Variants in CHRM2 observed in about 807,000 individuals in gnomAD.
The protein encoded by CHRM2 is cholinergic receptor muscarinic 2, also known as muscarinic acetylcholine receptor M2.
A neutral mutation model predicts 25.0 loss-of-function variants in CHRM2; 8 were observed. The ratio of observed to expected loss-of-function variants is 0.32; its 90% CI spans 0.19 to 0.58. CHRM2 has a LOEUF of 0.58. Among genes scored for constraint, CHRM2 ranks in the 20% least tolerant of loss-of-function variants. CHRM2 has a pLI of 0.88. For missense variants in CHRM2, 440 were observed against 567.1 expected (o/e 0.78, Z 2.28); for synonymous variants, 202 against 205.7 (o/e 0.98, Z 0.15).
intron 2 of CHRM2, among the ~76,000 whole-genome samples, chr7:136,988,468 T>G (rs1281022983): frequency 6.6e-6 from 1 of 152,198 alleles, no homozygotes; most frequent in Non-Finnish European, 1.5e-5. Context: ...ATATATTATC[T>G]CATTTAATAC....
Position 136,920,406 on chromosome 7 carries a change from T to C in CHRM2, c.-125+50988T>C, listed in dbSNP as rs142458427. Among the ~76,000 whole-genome samples the C allele has an allele frequency of 3.3e-5, 5 of 152,290 alleles. No individual in the cohort carries two copies. The East Asian group carries it at 9.7e-4, about 29-fold the overall frequency. ...AAATGAGGTCTCACATTCATTTACATAGTCTGAGAACATACTGTGTTCATC... is the reference window on the plus strand; with the variant it reads ...AAATGAGGTCTCACATTCATTTACACAGTCTGAGAACATACTGTGTTCATC... On this transcript the variant is annotated intron_variant, in intron 2 of 3. Coordinates refer to ENST00000680005, the MANE Select transcript of CHRM2 (RefSeq NM_001006630.2).
intron 2 of CHRM2, among the ~76,000 whole-genome samples, chr7:136,929,122 T>C (rs1363480890): frequency 6.6e-6 from 1 of 151,636 alleles, no homozygotes; most frequent in Admixed American, 6.6e-5. Context: ...GAACTTTTGG[T>C]CATTTTATTT....
At chr7:136,922,146 T>C (rs1027758083) in intron 2 of CHRM2, among the ~76,000 whole-genome samples, 1 of 152,176 alleles carries the variant, frequency 6.6e-6, no homozygotes, top group African/African-American at 2.4e-5. Flanking sequence ...GGAGTCAGCA[T>C]TGATATCTAT....
intron 2 of CHRM2, among the ~76,000 whole-genome samples, chr7:136,890,206 A>G (rs1377123860): frequency 6.6e-6 from 1 of 152,228 alleles, no homozygotes; most frequent in African/African-American, 2.4e-5. Flanking sequence ...GATTTCTGAC[A>G]GTTGTGACTT....
intron 2 of CHRM2, among the ~76,000 whole-genome samples, chr7:136,936,743 A>G (rs1454357034): frequency 1.3e-5 from 2 of 152,196 alleles, no homozygotes; most frequent in Non-Finnish European, 2.9e-5. Flanking sequence ...CTTTGTAATC[A>G]GAAACAAAAT....
chr7:136,976,635 A>G (rs1802122868), intron 2 of CHRM2, among the ~76,000 whole-genome samples: 1 of 152,176 alleles, frequency 6.6e-6, no homozygotes, highest in East Asian at 1.9e-4. Context: ...CTGAGAAACC[A>G]CATAGGAGCC....
In CHRM2 at chr7:137,019,421, T is replaced by C. The variant is rs1805329585; in HGVS notation, c.*3155T>C. The C allele has an allele frequency of 6.6e-6, 1 of 151,888 alleles. No homozygotes were observed. The highest frequency in any genetic ancestry group is 1.5e-5 in the Non-Finnish European group (1 of 67,888). The allele number at this position is 151,888 out of a possible 1,614,324, so 9.4% of individuals were successfully genotyped here. A position where few individuals can be genotyped will look rare whatever the true frequency, so the allele number is the denominator to read the frequency against. ...CAGATCTAGTCAATTGAGGTTGCAG[T>C]AGTTGGCCATCAAAATATTTGCAGT... On this transcript the variant is annotated 3_prime_UTR_variant, in exon 4 of 4. Transcript: ENST00000680005.
intron 2 of CHRM2, among the ~76,000 whole-genome samples, chr7:136,963,725 C>T (rs1014394216): frequency 7.2e-5 from 11 of 152,068 alleles, no homozygotes; most frequent in East Asian, 3.9e-4. Flanking sequence ...AAAAAAATGA[C>T]GCCCAGGTCC....
chr7:136,929,151 T>C (rs952817042), intron 2 of CHRM2, among the ~76,000 whole-genome samples: 1 of 152,176 alleles, frequency 6.6e-6, no homozygotes. Context: ...CCTATTGACT[T>C]ATCTTCTGGA....
intron 2 of CHRM2, among the ~76,000 whole-genome samples, chr7:136,873,543 T>C (rs1263177563): frequency 1.3e-5 from 2 of 152,202 alleles, no homozygotes; most frequent in Non-Finnish European, 2.9e-5. Context: ...ATGTAGTAGA[T>C]GTTATTTTCT....
At chr7:136,930,732 C>T (rs1206389477) in intron 2 of CHRM2, among the ~76,000 whole-genome samples, 1 of 151,628 alleles carries the variant, frequency 6.6e-6, no homozygotes, top group Non-Finnish European at 1.5e-5. Flanking sequence ...CCCGTCTCTA[C>T]TAAAAATACA....
intron 2 of CHRM2, among the ~76,000 whole-genome samples, chr7:136,918,276 T>G (rs1798233423): frequency 6.6e-6 from 1 of 152,148 alleles, no homozygotes; most frequent in South Asian, 2.1e-4. Flanking sequence ...TGAAATTCTC[T>G]ACTTCAGCTC....
chr7:136,940,894 G>A (rs950139391), intron 2 of CHRM2, among the ~76,000 whole-genome samples: 5 of 152,168 alleles, frequency 3.3e-5, no homozygotes, highest in African/African-American at 9.7e-5. Context: ...AGGATCAGCT[G>A]TCACAACTGG....
At chr7:136,980,353 T>A (rs1584869030) in intron 2 of CHRM2, among the ~76,000 whole-genome samples, 1 of 152,166 alleles carries the variant, frequency 6.6e-6, no homozygotes, top group Non-Finnish European at 1.5e-5. Flanking sequence ...GGTGAGACAA[T>A]GGGGTTTTCT....
chr7:136,888,352 A>G (rs1796552540), intron 2 of CHRM2, among the ~76,000 whole-genome samples: 1 of 152,228 alleles, frequency 6.6e-6, no homozygotes, highest in South Asian at 2.1e-4. Context: ...AAGGAGAGAT[A>G]CCATACTTCT....
chr7:136,906,195 G>A (rs188317309), intron 2 of CHRM2, among the ~76,000 whole-genome samples: 6,758 of 148,936 alleles, frequency 0.045, 190 homozygotes, highest in Middle Eastern at 0.11. Flanking sequence ...ATGTATATAC[G>A]TATATATATA....
chr7:136,988,742 A>G (rs1219027045), intron 2 of CHRM2, among the ~76,000 whole-genome samples: 2 of 152,170 alleles, frequency 1.3e-5, no homozygotes, highest in Non-Finnish European at 2.9e-5. Flanking sequence ...TAAAGCACCA[A>G]GTGCATCTAG....
chr7:136,912,529 C>T (rs1339258116), intron 2 of CHRM2, among the ~76,000 whole-genome samples: 1 of 151,766 alleles, frequency 6.6e-6, no homozygotes, highest in African/African-American at 2.4e-5. Flanking sequence ...TTAACAGTAC[C>T]GTCACTCTAT....
chr7:136,976,698 A>G (rs75379514), intron 2 of CHRM2, among the ~76,000 whole-genome samples: 1,577 of 152,298 alleles, frequency 0.01, 31 homozygotes, highest in African/African-American at 0.036. Context: ...TAGCAACAAC[A>G]GGAAAGGTCT....
Sources: allele counts gnomAD v4.1 joint callset (sites outside exome capture counted in the v4.1 genomes callset), GRCh38; gene constraint gnomAD v4.1.1; transcripts MANE v1.5; gene names NCBI Gene and HGNC (gene_info 2026-07-23, HGNC 2026-07-21).